Variants in ENPP6 observed in about 807,000 individuals in gnomAD.
The protein encoded by ENPP6 is glycerophosphocholine cholinephosphodiesterase ENPP6.
In ENPP6, 32 loss-of-function variants were observed where a neutral mutation model predicts 42.0. The observed-to-expected ratio is 0.76, with a 90% CI of 0.58 to 1.02. The LOEUF (loss-of-function observed/expected upper bound fraction) is 1.02. Ranked by LOEUF, ENPP6 falls within the 50% of genes least tolerant of loss-of-function variation. The probability of loss-of-function intolerance (pLI) is 0.00; values close to 1 mark genes in which losing one functional copy is unlikely to be tolerated. For synonymous variants in ENPP6, 213 were observed against 216.0 expected (o/e 0.99, Z 0.12); for missense variants, 552 against 566.8 (o/e 0.97, Z 0.27).
intron 2 of ENPP6, among the ~76,000 whole-genome samples, chr4:184,131,205 T>TTTC (rs1491582739): frequency 6.5e-4 from 43 of 65,984 alleles, no homozygotes; most frequent in Admixed American, 2.0e-3. Context: ...TTCTTTCTTC[T>TTTC]TTCTTTCTTT....
At chr4:184,151,811 C>A (rs1044860801) in intron 2 of ENPP6, among the ~76,000 whole-genome samples, 1 of 152,196 alleles carries the variant, frequency 6.6e-6, no homozygotes, top group African/African-American at 2.4e-5. Context: ...AAGAGTCAAA[C>A]TCACCCCTGG....
chr4:184,152,864 A>G (rs1008835454), intron 2 of ENPP6, among the ~76,000 whole-genome samples: 1 of 151,896 alleles, frequency 6.6e-6, no homozygotes, highest in Non-Finnish European at 1.5e-5. Flanking sequence ...AAAAATAGCG[A>G]GTGCTTTCAA....
chr4:184,112,460 G>A, intron 6 of ENPP6: 1 of 570,072 alleles, frequency 1.8e-6, no homozygotes, highest in Non-Finnish European at 3.0e-6. Context: ...GAGCCACGAA[G>A]TCTAAACCAT....
chr4:184,115,572 G>T (rs1184390685), intron 5 of ENPP6, among the ~76,000 whole-genome samples: 1 of 152,122 alleles, frequency 6.6e-6, no homozygotes, highest in East Asian at 1.9e-4. Context: ...GATCATCATG[G>T]TCACCGACAC....
intron 1 of ENPP6, among the ~76,000 whole-genome samples, chr4:184,201,136 T>C (rs1732889114): frequency 6.6e-6 from 1 of 152,166 alleles, no homozygotes; most frequent in Non-Finnish European, 1.5e-5. Flanking sequence ...CCCCCAGCTC[T>C]GCCCCAGGTC....
intron 3 of ENPP6, among the ~76,000 whole-genome samples, chr4:184,121,528 C>A (rs1736416159): frequency 6.6e-6 from 1 of 152,220 alleles, no homozygotes; most frequent in South Asian, 2.1e-4. Flanking sequence ...TTTGGGCACT[C>A]ATGTATGAAA....
At chr4:184,173,968 G>A (rs1737519477) in intron 1 of ENPP6, among the ~76,000 whole-genome samples, 1 of 152,118 alleles carries the variant, frequency 6.6e-6, no homozygotes, top group South Asian at 2.1e-4. Flanking sequence ...GAACACTGCA[G>A]ATCGTAATTC....
At chr4:184,121,898 C>T (rs1736420497) in intron 3 of ENPP6, among the ~76,000 whole-genome samples, 1 of 152,208 alleles carries the variant, frequency 6.6e-6, no homozygotes, top group Non-Finnish European at 1.5e-5. Context: ...GGTGATGAGA[C>T]ATGTTCTAAT....
intron 2 of ENPP6, among the ~76,000 whole-genome samples, chr4:184,126,495 G>A (rs1187475554): frequency 1.3e-5 from 2 of 152,228 alleles, no homozygotes; most frequent in African/African-American, 4.8e-5. Flanking sequence ...TGGCTACCTA[G>A]GCTAAAGGTA....
intron 3 of ENPP6, among the ~76,000 whole-genome samples, chr4:184,122,449 C>T (rs541583651): frequency 1.5e-5 from 2 of 136,306 alleles, no homozygotes; most frequent in Admixed American, 7.4e-5. Context: ...AGAACCTTCC[C>T]CATTCCTAAA....
Position 184,090,882 on chromosome 4 carries a change from C to T in ENPP6, c.*295G>A. ...ACTCCAAGTTTGGTTGCTGCAGGAGCAGGTCCCTGCTCAGAGAGTTCATCC... is the reference window on the plus strand; with the variant it reads ...ACTCCAAGTTTGGTTGCTGCAGGAGTAGGTCCCTGCTCAGAGAGTTCATCC... On this transcript the variant is annotated 3_prime_UTR_variant, in exon 8 of 8. Transcript: ENST00000296741. 2.3e-6 allele frequency: 1 copy of T among 428,192 alleles called. No individual in the cohort carries two copies. The highest frequency in any genetic ancestry group is 4.1e-6 in the Non-Finnish European group (1 of 244,628). 26.5% of individuals were successfully genotyped at this position (428,192 alleles called of 1,614,324 possible). A position where few individuals can be genotyped will look rare whatever the true frequency, so the allele number is the denominator to read the frequency against.
At position 184,091,276 on chromosome 4, in the gene ENPP6, G is replaced by A; in HGVS notation, c.1224C>T (p.Ser408=). 6.2e-7 allele frequency: 1 copy of A among 1,613,768 alleles called. No individual in the cohort carries two copies. Among genetic ancestry groups the A allele is most frequent in the African/African-American group, 1.3e-5 (1 of 75,012 alleles). ...GGCCCTTCAGCATGCACATCACCCT[G>A]GACCAGGATCCGTTGTTGGGCAGCG... The part of the protein sequence containing the change: ...ITPLPNNGSW[S]RVMCMLKGRA... The change falls in exon 8 of 8, where the codon TCC becomes TCT. Residue 408 remains serine, a synonymous_variant. Transcript: ENST00000296741.
At chr4:184,109,173 C>T (rs1344074409) in intron 6 of ENPP6, among the ~76,000 whole-genome samples, 3 of 151,862 alleles carry the variant, frequency 2.0e-5, no homozygotes, top group Non-Finnish European at 2.9e-5. Flanking sequence ...ATCGCACCAC[C>T]GCACTCCAGC....
chr4:184,175,791 T>C (rs1472146340), intron 1 of ENPP6, among the ~76,000 whole-genome samples: 1 of 152,158 alleles, frequency 6.6e-6, no homozygotes, highest in Non-Finnish European at 1.5e-5. Flanking sequence ...AGCCTGGCCA[T>C]TAGAGGACCT....
chr4:184,198,657 T>C (rs1443209388), intron 1 of ENPP6, among the ~76,000 whole-genome samples: 1 of 152,244 alleles, frequency 6.6e-6, no homozygotes, highest in Non-Finnish European at 1.5e-5. Context: ...ATTTCAAAAC[T>C]CTTTGAATGT....
intron 1 of ENPP6, among the ~76,000 whole-genome samples, chr4:184,209,714 C>G (rs1372025304): frequency 6.7e-6 from 1 of 148,654 alleles, no homozygotes; most frequent in Non-Finnish European, 1.5e-5. Flanking sequence ...GGCCAACGTT[C>G]AGATTCAGGA....
At chr4:184,153,447 T>C in intron 2 of ENPP6, 107 bp downstream of exon 2, 1 of 1,267,632 alleles carries the variant, frequency 7.9e-7, no homozygotes, top group Non-Finnish European at 1.1e-6. Context: ...TAAATAAAGA[T>C]CCCATTTTCC....
intron 1 of ENPP6, among the ~76,000 whole-genome samples, chr4:184,204,435 C>A (rs945090589): frequency 6.6e-6 from 1 of 152,190 alleles, no homozygotes; most frequent in South Asian, 2.1e-4. Context: ...TCCCTAGGTC[C>A]GACAGCCAGA....
At chr4:184,140,367 T>C (rs1736799425) in intron 2 of ENPP6, among the ~76,000 whole-genome samples, 1 of 152,102 alleles carries the variant, frequency 6.6e-6, no homozygotes, top group Non-Finnish European at 1.5e-5. Flanking sequence ...AATGCCTTTC[T>C]TCACATAATT....
Sources: allele counts gnomAD v4.1 joint callset (sites outside exome capture counted in the v4.1 genomes callset), GRCh38; gene constraint gnomAD v4.1.1; transcripts MANE v1.5; gene names NCBI Gene and HGNC (gene_info 2026-07-23, HGNC 2026-07-21).